Variants in EPB41L3 observed in about 807,000 individuals in gnomAD.
EPB41L3 encodes erythrocyte membrane protein band 4.1 like 3, also known as band 4.1-like protein 3.
EPB41L3 carries 57 observed loss-of-function variants against 127.1 expected under a neutral mutation model. That is an observed-to-expected ratio of 0.45 (90% CI 0.36 to 0.56). The LOEUF (loss-of-function observed/expected upper bound fraction) is 0.56, where lower values mean the gene tolerates loss of function less well. Among genes scored for constraint, EPB41L3 ranks in the 20% least tolerant of loss-of-function variants. The pLI is 0.00. For missense variants in EPB41L3, 1,273 were observed against 1,372.2 expected, an observed-to-expected ratio of 0.93 and a Z score of 1.14; for synonymous variants, 572 against 549.5, an observed-to-expected ratio of 1.04 and a Z score of -0.57.
At position 5,520,514 on chromosome 18, in the gene EPB41L3, C is replaced by G. The variant is rs529472497; in HGVS notation, c.-12+23399G>C. Among the ~76,000 whole-genome samples the G allele has an allele frequency of 6.0e-5, 9 of 150,560 alleles. No individual in the cohort carries two copies. The East Asian group carries it at 1.8e-3, about 29-fold the overall frequency. On this transcript the variant is annotated intron_variant, in intron 1 of 22. Coordinates refer to ENST00000341928, the MANE Select transcript of EPB41L3 (RefSeq NM_012307.5). ...CTAATTAATTTTGGTCTTTTTCCTTCCAAGTTGTATCACCCATGCTCGCCT... is the reference window on the plus strand; with the variant it reads ...CTAATTAATTTTGGTCTTTTTCCTTGCAAGTTGTATCACCCATGCTCGCCT...
At chr18:5,548,941 A>G (rs1568559451), upstream of EPB41L3, among the ~76,000 whole-genome samples, 1 of 152,228 alleles carries the variant, frequency 6.6e-6, no homozygotes, top group Non-Finnish European at 1.5e-5. Context: ...CCCCCAAAAG[A>G]CAAAATAAAT....
At chr18:5,588,302 T>C (rs779547435) in intron 3 of EPB41L3, among the ~76,000 whole-genome samples, 3 of 152,034 alleles carry the variant, frequency 2.0e-5, no homozygotes, top group African/African-American at 7.2e-5. Flanking sequence ...ATTATATGAA[T>C]AGGAATTTTT....
intron 1 of EPB41L3, among the ~76,000 whole-genome samples, chr18:5,540,873 A>T (rs1285672947): frequency 1.3e-5 from 2 of 152,060 alleles, no homozygotes; most frequent in Admixed American, 1.3e-4. Context: ...TCACGAGGTC[A>T]GGAGATCGAG....
At chr18:5,418,354 C>T (rs571408088) in intron 12 of EPB41L3, among the ~76,000 whole-genome samples, 8 of 152,264 alleles carry the variant, frequency 5.3e-5, no homozygotes, top group East Asian at 1.9e-4. Flanking sequence ...TGAAAATGTC[C>T]GGCCTTATCT....
intron 1 of EPB41L3, among the ~76,000 whole-genome samples, chr18:5,524,587 G>T (rs577567664): frequency 6.6e-6 from 1 of 151,268 alleles, no homozygotes; most frequent in East Asian, 1.9e-4. Context: ...TTGGTCATCT[G>T]CAGGAAATAA....
intron 1 of EPB41L3, among the ~76,000 whole-genome samples, chr18:5,509,774 C>G (rs745563754): frequency 5.3e-5 from 8 of 152,192 alleles, no homozygotes; most frequent in Non-Finnish European, 8.8e-5. Flanking sequence ...TATGCATATA[C>G]TATGTGCTAG....
At chr18:5,403,136 T>C (rs1415726022) in intron 16 of EPB41L3, among the ~76,000 whole-genome samples, 2 of 152,208 alleles carry the variant, frequency 1.3e-5, no homozygotes, top group Non-Finnish European at 2.9e-5. Flanking sequence ...AAGTCTGTCA[T>C]GGGAAAGGTC....
At position 5,462,393 on chromosome 18, in the gene EPB41L3, T is replaced by A. The variant is rs192403593; in HGVS notation, c.381+15848A>T. On this transcript the variant is annotated intron_variant, in intron 3 of 22. Transcript: ENST00000341928. ...AATCAATCAAAGAGCATGACAACAC[T>A]CAATTATTTCTCCACAATGGTACCT... 2.2e-3 allele frequency among the ~76,000 whole-genome samples: 332 copies of A among 152,274 alleles called. 3 individuals are homozygous for A. Among genetic ancestry groups the A allele is most frequent in the African/African-American group, 7.7e-3 (320 of 41,556 alleles).
chr18:5,461,491 T>C (rs1013574268), intron 3 of EPB41L3, among the ~76,000 whole-genome samples: 5 of 152,242 alleles, frequency 3.3e-5, no homozygotes, highest in African/African-American at 9.6e-5. Context: ...CTGTCTGTCA[T>C]GCTGAACAGA....
At chr18:5,450,867 C>T (rs2082199116) in intron 3 of EPB41L3, among the ~76,000 whole-genome samples, 1 of 152,076 alleles carries the variant, frequency 6.6e-6, no homozygotes, top group South Asian at 2.1e-4. Flanking sequence ...TGTAATTTAC[C>T]AGCTCTCCCA....
chr18:5,479,201 C>T (rs1302675353), intron 2 of EPB41L3, among the ~76,000 whole-genome samples: 2 of 152,230 alleles, frequency 1.3e-5, no homozygotes, highest in African/African-American at 2.4e-5. Flanking sequence ...AGATCTCCAA[C>T]TATTCTCTCT....
chr18:5,523,344 C>G (rs1325829027), intron 1 of EPB41L3, among the ~76,000 whole-genome samples: 2 of 152,284 alleles, frequency 1.3e-5, no homozygotes, highest in East Asian at 3.9e-4. Flanking sequence ...TTCAAACTAG[C>G]TTAAATTGGG....
chr18:5,404,332 G>A (rs1171274011), intron 16 of EPB41L3, among the ~76,000 whole-genome samples: 2 of 152,208 alleles, frequency 1.3e-5, no homozygotes, highest in Non-Finnish European at 2.9e-5. Context: ...ACGGAGCACT[G>A]AGGGACTACA....
chr18:5,522,019 TCAAAACGATGTTTA>T (rs1186949628), intron 1 of EPB41L3, among the ~76,000 whole-genome samples: 3 of 152,168 alleles, frequency 2.0e-5, no homozygotes, highest in Admixed American at 2.0e-4. Flanking sequence ...TCAACACACC[TCAAAACGATGTTTA>T]CAACAAGCAA....
intron 1 of EPB41L3, among the ~76,000 whole-genome samples, chr18:5,615,029 C>A (rs2094776628): frequency 6.6e-6 from 1 of 152,048 alleles, no homozygotes; most frequent in Non-Finnish European, 1.5e-5. Flanking sequence ...TAGAACATAG[C>A]TAACTGAGTG....
chr18:5,563,118 C>T (rs1694372663), intron 3 of EPB41L3, among the ~76,000 whole-genome samples: 2 of 152,130 alleles, frequency 1.3e-5, no homozygotes, highest in Non-Finnish European at 2.9e-5. Context: ...GGATTCCAGA[C>T]AGAAGGATCA....
At chr18:5,485,984 A>G (rs965538609) in intron 2 of EPB41L3, among the ~76,000 whole-genome samples, 3 of 152,202 alleles carry the variant, frequency 2.0e-5, no homozygotes, top group African/African-American at 7.2e-5. Context: ...AGAATTAGAA[A>G]AAATGTCCTC....
intron 3 of EPB41L3, among the ~76,000 whole-genome samples, chr18:5,458,634 A>G (rs1421868137): frequency 1.3e-5 from 2 of 152,204 alleles, no homozygotes; most frequent in African/African-American, 4.8e-5. Flanking sequence ...CTCTCGCCCT[A>G]TCTAACTATA....
In EPB41L3 at chr18:5,542,231, T is replaced by C. The variant is rs140081952; in HGVS notation, c.-12+1682A>G. Among the ~76,000 whole-genome samples the C allele has an allele frequency of 3.4e-3, 513 of 152,234 alleles. 4 individuals are homozygous for C. The highest frequency in any genetic ancestry group is 0.011 in the African/African-American group (462 of 41,582). On this transcript the variant is annotated intron_variant, in intron 1 of 22. Coordinates refer to ENST00000341928, the MANE Select transcript of EPB41L3 (RefSeq NM_012307.5). Reference sequence around the variant, plus strand: ...TGGAGCTTGATGTGCTGCTCTCTTTTCTTAATAGGGCTTTTCTGCTTAATT... The same window carrying C: ...TGGAGCTTGATGTGCTGCTCTCTTTCCTTAATAGGGCTTTTCTGCTTAATT...
Sources: gnomAD v4.1 joint callset for allele counts (sites outside exome capture counted in the v4.1 genomes callset) on GRCh38, gnomAD v4.1.1 for gene constraint, MANE v1.5 for transcripts, NCBI Gene and HGNC (gene_info 2026-07-23, HGNC 2026-07-21) for gene names.